Variants in ZNF385D observed in about 807,000 individuals in gnomAD.
The protein encoded by ZNF385D is zinc finger protein 385D, also known as zinc finger protein 659.
Under a neutral mutation model 35.8 loss-of-function variants are expected in ZNF385D, and 15 were observed. The observed-to-expected ratio is 0.42, with a 90% confidence interval of 0.28 to 0.64. ZNF385D has a LOEUF of 0.64. Ranked by LOEUF, ZNF385D falls within the 30% of genes least tolerant of loss-of-function variation. The pLI is 0.23. For missense variants in ZNF385D, 474 were observed against 494.6 expected (o/e 0.96, Z 0.39); for synonymous variants, 212 against 186.8 (o/e 1.13, Z -1.10).
At chr3:21,919,283 T>C (rs1049755549) in intron 3 of ZNF385D, among the ~76,000 whole-genome samples, 2 of 152,190 alleles carry the variant, frequency 1.3e-5, no homozygotes, top group African/African-American at 4.8e-5. Context: ...AAAATACATG[T>C]TGCCTGGCAT....
At chr3:22,240,201 A>AAGAAG (rs1553635042) in intron 2 of ZNF385D, among the ~76,000 whole-genome samples, 6 of 121,002 alleles carry the variant, frequency 5.0e-5, no homozygotes, top group South Asian at 2.8e-4. Flanking sequence ...AAAAAAAAAA[A>AAGAAG]AAGATTTCAG....
chr3:21,506,649 A>G (rs2125454098), intron 4 of ZNF385D, among the ~76,000 whole-genome samples: 1 of 152,318 alleles, frequency 6.6e-6, no homozygotes, highest in East Asian at 1.9e-4. Flanking sequence ...CACTTGCTAG[A>G]TTAGACAATT....
chr3:22,246,112 A>T (rs1699764950), intron 2 of ZNF385D, among the ~76,000 whole-genome samples: 1 of 152,192 alleles, frequency 6.6e-6, no homozygotes, highest in Non-Finnish European at 1.5e-5. Flanking sequence ...GATCATGAGA[A>T]AATGATTTAA....
At chr3:22,244,158 C>G (rs905910190) in intron 2 of ZNF385D, among the ~76,000 whole-genome samples, 3 of 150,034 alleles carry the variant, frequency 2.0e-5, no homozygotes, top group Non-Finnish European at 4.4e-5. Context: ...GTGCAAGAAC[C>G]TTCTTAAGGG....
At chr3:22,077,501 T>G (rs777903988) in intron 3 of ZNF385D, among the ~76,000 whole-genome samples, 11 of 152,122 alleles carry the variant, frequency 7.2e-5, no homozygotes, top group Non-Finnish European at 1.2e-4. Context: ...TTCTTATCAA[T>G]AGATTATTCC....
chr3:22,202,855 CAG>C (rs1696894336), intron 2 of ZNF385D, among the ~76,000 whole-genome samples: 1 of 152,116 alleles, frequency 6.6e-6, no homozygotes, highest in African/African-American at 2.4e-5. Context: ...AAGCTCTAGA[CAG>C]AGGGGAATCA....
At chr3:21,757,134 T>TTTTTTTTTTTTTTTTTTTGTTTTTG (rs1553654008) in intron 3 of ZNF385D, among the ~76,000 whole-genome samples, 1 of 128,232 alleles carries the variant, frequency 7.8e-6, no homozygotes, top group Non-Finnish European at 1.6e-5. Flanking sequence ...TTTTTTTTTT[T>TTTTTTTTTTTTTTTTTTTGTTTTTG]TTTTTGTTTT....
intron 3 of ZNF385D, among the ~76,000 whole-genome samples, chr3:22,046,942 AAT>A (rs1258752197): frequency 1.4e-4 from 21 of 152,304 alleles, no homozygotes; most frequent in African/African-American, 4.8e-4. Flanking sequence ...ATAAGTGGGA[AAT>A]ATATGTCCAG....
chr3:21,867,667 T>A (rs1447942634), intron 3 of ZNF385D, among the ~76,000 whole-genome samples: 2 of 152,142 alleles, frequency 1.3e-5, no homozygotes. Context: ...TTTAAATGAT[T>A]TGCCATTTTA....
Position 21,830,157 on chromosome 3 carries a change from G to A in ZNF385D, c.326-165129C>T, listed in dbSNP as rs73042746. On this transcript the variant is annotated intron_variant, in intron 3 of 5. Transcript: ENST00000494108. ...AAAGAGGCATTTTAGAGTTATCTAA[G>A]AAAAAGACTTGCATTTAAGCTTCTA... Among the ~76,000 whole-genome samples, 161 of 152,070 alleles carry A rather than the reference G, an allele frequency of 1.1e-3. 2 individuals carry two copies. Among genetic ancestry groups the A allele is most frequent in the Non-Finnish European group, 1.9e-3 (126 of 67,982 alleles).
intron 3 of ZNF385D, among the ~76,000 whole-genome samples, chr3:22,124,252 CATG>C (rs1391553861): frequency 6.6e-6 from 1 of 152,040 alleles, no homozygotes; most frequent in African/African-American, 2.4e-5. Context: ...TTGCAAATGA[CATG>C]ATCTCATTCT....
chr3:21,808,453 A>T (rs2072754539), intron 3 of ZNF385D, among the ~76,000 whole-genome samples: 1 of 152,194 alleles, frequency 6.6e-6, no homozygotes, highest in African/African-American at 2.4e-5. Flanking sequence ...GCTCTGCATT[A>T]AGTGAATCCA....
At chr3:22,226,252 C>G (rs1698551293) in intron 2 of ZNF385D, among the ~76,000 whole-genome samples, 1 of 152,012 alleles carries the variant, frequency 6.6e-6, no homozygotes, top group Non-Finnish European at 1.5e-5. Context: ...CAGCTGGACA[C>G]AAGAATTATA....
chr3:22,359,696 G>A (rs1207318683), intron 2 of ZNF385D, among the ~76,000 whole-genome samples: 11 of 151,832 alleles, frequency 7.2e-5, no homozygotes, highest in Non-Finnish European at 4.4e-5. Context: ...TGAATGGAAG[G>A]GTAAAATGAT....
chr3:22,000,999 G>A (rs1695806460), intron 3 of ZNF385D, among the ~76,000 whole-genome samples: 1 of 151,412 alleles, frequency 6.6e-6, no homozygotes, highest in Admixed American at 6.6e-5. Flanking sequence ...AAATAAACTA[G>A]TAAGATTAAG....
At position 21,639,247 on chromosome 3, in the gene ZNF385D, A is replaced by G. The variant is rs866218572; in HGVS notation, c.165+25639T>C. On this transcript the variant is annotated intron_variant, in intron 2 of 7. Transcript: ENST00000281523. ...GTAAGCATCTTCTGGAATACTTTAT[A>G]TATCACTTGCTTATTTATTTATTAT... Among the ~76,000 whole-genome samples, 4 of 152,114 alleles carry G rather than the reference A, an allele frequency of 2.6e-5. No individual in the cohort carries two copies. The South Asian group carries it at 8.3e-4, about 32-fold the overall frequency.
At chr3:22,136,739 G>A (rs1032844249) in intron 3 of ZNF385D, among the ~76,000 whole-genome samples, 1 of 152,074 alleles carries the variant, frequency 6.6e-6, no homozygotes. Context: ...TTCAAAAAAT[G>A]AAATATTATT....
At chr3:21,909,745 G>A (rs1364036016) in intron 3 of ZNF385D, among the ~76,000 whole-genome samples, 3 of 151,826 alleles carry the variant, frequency 2.0e-5, no homozygotes, top group African/African-American at 7.3e-5. Flanking sequence ...TTTAACTATG[G>A]GAAATCTTCA....
At chr3:22,009,090 C>A (rs1045402156) in intron 3 of ZNF385D, among the ~76,000 whole-genome samples, 1 of 152,162 alleles carries the variant, frequency 6.6e-6, no homozygotes, top group Non-Finnish European at 1.5e-5. Context: ...CTTGGTCAAA[C>A]CACTTTAGAG....
Sources: allele counts gnomAD v4.1 joint callset (sites outside exome capture counted in the v4.1 genomes callset), GRCh38; gene constraint gnomAD v4.1.1; transcripts MANE v1.5; gene names NCBI Gene and HGNC (gene_info 2026-07-23, HGNC 2026-07-21).